The following DUSP8 variants were observed in gnomAD, a reference collection of about 807,000 sequenced individuals.
DUSP8 encodes the protein dual specificity protein phosphatase 8.
In DUSP8, 15 loss-of-function variants were observed where a neutral mutation model predicts 38.7. That is an observed-to-expected ratio of 0.39 (90% CI 0.26 to 0.60). The LOEUF (loss-of-function observed/expected upper bound fraction) is 0.60, where lower values mean the gene tolerates loss of function less well. DUSP8 is among the 20% of genes least tolerant of loss of function. DUSP8 has a pLI of 0.56. For synonymous variants in DUSP8, 458 were observed against 433.9 expected (o/e 1.06, Z -0.69); for missense variants, 768 against 915.0 (o/e 0.84, Z 2.07).
At chr11:1,571,764 G>C (rs986705217) in intron 1 of DUSP8, 137 bp downstream of exon 1, 1 of 150,978 alleles carries the variant, frequency 6.6e-6, no homozygotes, top group Non-Finnish European at 1.5e-5. Context: ...GCTCATTCCG[G>C]GGCCGCCTCC....
chr11:1,566,721 T>C (rs1172797559), intron 1 of DUSP8, among the ~76,000 whole-genome samples: 1 of 152,152 alleles, frequency 6.6e-6, no homozygotes. Flanking sequence ...AGGAGGCTCC[T>C]TCATGGGCTG....
intron 2 of DUSP8, among the ~76,000 whole-genome samples, chr11:1,564,329 G>C (rs567823553): frequency 6.6e-5 from 10 of 152,314 alleles, no homozygotes; most frequent in Non-Finnish European, 1.2e-4. Flanking sequence ...AGTGCGATGG[G>C]AGCCCAGGAT....
At chr11:1,564,684 C>A (rs1848774802) in intron 2 of DUSP8, among the ~76,000 whole-genome samples, 1 of 152,248 alleles carries the variant, frequency 6.6e-6, no homozygotes, top group African/African-American at 2.4e-5. Flanking sequence ...CAACCCTGGG[C>A]TGGGTGACGT....
At chr11:1,560,908 C>T (rs1049512198) in intron 3 of DUSP8, among the ~76,000 whole-genome samples, 1 of 152,182 alleles carries the variant, frequency 6.6e-6, no homozygotes, top group Non-Finnish European at 1.5e-5. Flanking sequence ...ACCCTCCCAC[C>T]TCTCCCAGAG....
At chr11:1,564,629 C>T (rs1162188960) in intron 2 of DUSP8, among the ~76,000 whole-genome samples, 2 of 152,218 alleles carry the variant, frequency 1.3e-5, no homozygotes, top group Non-Finnish European at 2.9e-5. Flanking sequence ...CACCGGTGCC[C>T]CCGCCCTGCA....
In DUSP8 at chr11:1,554,796, T is replaced by A. The variant is rs1206608526; in HGVS notation, c.*1722A>T. On this transcript the variant is annotated 3_prime_UTR_variant, in exon 7 of 7. Coordinates refer to ENST00000397374, the MANE Select transcript of DUSP8 (RefSeq NM_004420.3). ...CATATGGGAGGCAAATTTACATAAT[T>A]AATAATAATTAACCAATAATAATAA... is the stretch of plus-strand genomic sequence containing the variant. The A allele has an allele frequency of 3.8e-6, 2 of 525,956 alleles. No homozygotes were observed. Among genetic ancestry groups the A allele is most frequent in the Non-Finnish European group, 4.9e-6 (2 of 410,194 alleles). 32.6% of individuals were successfully genotyped at this position (525,956 alleles called of 1,614,324 possible).
chr11:1,569,239 A>G (rs753985526), intron 1 of DUSP8, among the ~76,000 whole-genome samples: 1 of 152,098 alleles, frequency 6.6e-6, no homozygotes, highest in South Asian at 2.1e-4. Flanking sequence ...CTTTGAGCCC[A>G]GGAGGAAGCA....
At chr11:1,566,842 T>C (rs1036076710) in intron 1 of DUSP8, among the ~76,000 whole-genome samples, 1 of 151,854 alleles carries the variant, frequency 6.6e-6, no homozygotes. Context: ...GACTGCCGGG[T>C]GGGCAGGTGG....
chr11:1,572,285 C>T (rs1157060483), upstream of DUSP8, among the ~76,000 whole-genome samples: 3 of 148,980 alleles, frequency 2.0e-5, no homozygotes, highest in African/African-American at 7.3e-5. The surrounding 1 kb of genome is among the most constrained non-coding windows in gnomAD (Gnocchi z 4.7). Context: ...AGGCCCGGGG[C>T]GGAGGGCGGG....
intron 3 of DUSP8, among the ~76,000 whole-genome samples, chr11:1,561,970 A>T (rs910611869): frequency 2.0e-5 from 3 of 152,054 alleles, no homozygotes; most frequent in Non-Finnish European, 4.4e-5. Context: ...GGGGCCTGGG[A>T]CTCCTTGGCA....
chr11:1,555,247 A>C lies in DUSP8; in HGVS notation c.*1271T>G. On this transcript the variant is annotated 3_prime_UTR_variant, in exon 7 of 7. Transcript: ENST00000397374. The stretch of plus-strand genomic sequence containing the variant: ...GGGGGCTGGCATGCCACCTAGAGAG[A>C]GAGCACCCTGGGAAAGGGGTGAATG... 5.1e-6 allele frequency: 5 copies of C among 987,802 alleles called. No homozygotes were observed. The highest frequency in any genetic ancestry group is 4.8e-6 in the Non-Finnish European group (4 of 830,156). The allele number at this position is 987,802 out of a possible 1,614,324, so 61.2% of individuals were successfully genotyped here.
chr11:1,571,008 T>C (rs577800513), intron 1 of DUSP8, among the ~76,000 whole-genome samples: 1 of 119,306 alleles, frequency 8.4e-6, no homozygotes, highest in African/African-American at 3.2e-5. Context: ...CCCTCCTCCA[T>C]CCCACAGTGT....
rs369323071 is a variant in DUSP8 at position 1,558,233 on chromosome 11, G to A, written c.576C>T (p.Asn192=). The change falls in exon 5 of 7, where the codon AAC becomes AAT. Residue 192 remains asparagine, a synonymous_variant. Transcript: ENST00000397374. The surrounding 1 kb of genome is among the most constrained non-coding windows in gnomAD (Gnocchi z 6.3). The part of the protein sequence containing the change: ...MTQNGISYVL[N]ASNSCPKPDF... ...CAGGCTTGGGGCAGGAGTTGCTGGC[G>A]TTGAGGACGTAGCTTATTCCATTTT... is the stretch of plus-strand genomic sequence containing the variant. The A allele has an allele frequency of 1.7e-5, 23 of 1,372,834 alleles. No homozygotes were observed. Among genetic ancestry groups the A allele is most frequent in the East Asian group, 8.6e-5 (2 of 23,290 alleles). The allele number at this position is 1,372,834 out of a possible 1,614,324, so 85.0% of individuals were successfully genotyped here. A position where few individuals can be genotyped will look rare whatever the true frequency, so the allele number is the denominator to read the frequency against.
intron 3 of DUSP8, among the ~76,000 whole-genome samples, chr11:1,560,945 C>T (rs558080783): frequency 6.6e-6 from 1 of 152,178 alleles, no homozygotes; most frequent in Non-Finnish European, 1.5e-5. Context: ...AGTCTCTGGA[C>T]AGGTGCAGAG....
chr11:1,566,132 G>A (rs1187322359), intron 1 of DUSP8, among the ~76,000 whole-genome samples, 198 bp from the exon 2 acceptor site: 1 of 152,134 alleles, frequency 6.6e-6, no homozygotes, highest in Non-Finnish European at 1.5e-5. Context: ...GCAGAGGGGG[G>A]CAAATGGGCC....
intron 3 of DUSP8, among the ~76,000 whole-genome samples, chr11:1,561,374 C>G (rs1469029057): frequency 2.0e-5 from 3 of 152,220 alleles, no homozygotes; most frequent in Non-Finnish European, 2.9e-5. Flanking sequence ...CTTATGGCCA[C>G]AGTCACAGAC....
In DUSP8 at chr11:1,558,826, G is replaced by A. The variant is rs1159018295; in HGVS notation, c.537+63C>T. ...CCCTCATCCCCCGCTCCGCTGCCAAGCTGCTTCTGGAGCTCCTGCCCCTTT... is the reference window on the plus strand; with the variant it reads ...CCCTCATCCCCCGCTCCGCTGCCAAACTGCTTCTGGAGCTCCTGCCCCTTT... On this transcript the variant is annotated intron_variant, in intron 4 of 6. Coordinates refer to ENST00000397374, the MANE Select transcript of DUSP8 (RefSeq NM_004420.3). This position sits in a 1 kb window ranked among gnomAD's most constrained non-coding sequence, Gnocchi z 6.3. 1.2e-5 allele frequency: 19 copies of A among 1,531,980 alleles called. No individual in the cohort carries two copies. Among genetic ancestry groups the A allele is most frequent in the South Asian group, 2.5e-5 (2 of 80,618 alleles). The allele number at this position is 1,531,980 out of a possible 1,614,324, so 94.9% of individuals were successfully genotyped here. A position where few individuals can be genotyped will look rare whatever the true frequency, so the allele number is the denominator to read the frequency against.
chr11:1,558,830 C>G lies in DUSP8; in HGVS notation c.537+59G>C. 1 of 1,541,858 alleles carries G rather than the reference C, an allele frequency of 6.5e-7. No homozygotes were observed. The highest frequency in any genetic ancestry group is 8.8e-7 in the Non-Finnish European group (1 of 1,140,406). ...CATCCCCCGCTCCGCTGCCAAGCTGCTTCTGGAGCTCCTGCCCCTTTCCCA... is the reference window on the plus strand; with the variant it reads ...CATCCCCCGCTCCGCTGCCAAGCTGGTTCTGGAGCTCCTGCCCCTTTCCCA... On this transcript the variant is annotated intron_variant, in intron 4 of 6. Transcript: ENST00000397374. This position sits in a 1 kb window ranked among gnomAD's most constrained non-coding sequence, Gnocchi z 6.3.
At chr11:1,560,629 A>G (rs550083733) in intron 3 of DUSP8, among the ~76,000 whole-genome samples, 1 of 152,324 alleles carries the variant, frequency 6.6e-6, no homozygotes, top group South Asian at 2.1e-4. Flanking sequence ...CTTGTCACCA[A>G]CGACGCCCCA....
Sources: gnomAD v4.1 joint callset for allele counts (sites outside exome capture counted in the v4.1 genomes callset) on GRCh38, gnomAD v4.1.1 for gene constraint, Gnocchi (gnomAD v3.1) non-coding constraint, MANE v1.5 for transcripts, NCBI Gene and HGNC (gene_info 2026-07-23, HGNC 2026-07-21) for gene names.